The following GASK1A variants were observed in gnomAD, a reference collection of about 807,000 sequenced individuals.
The protein encoded by GASK1A is golgi associated kinase 1A, also known as Golgi-associated kinase 1A.
A neutral mutation model predicts 41.2 loss-of-function variants in GASK1A; 40 were observed. That is an observed-to-expected ratio of 0.97 (90% CI 0.75 to 1.27). GASK1A has a LOEUF of 1.27. Among genes scored for constraint, GASK1A ranks in the 50% most tolerant of loss-of-function variants. The pLI, the probability that GASK1A is intolerant of heterozygous loss-of-function variation, is 0.00. For synonymous variants in GASK1A, 316 were observed against 307.1 expected (o/e 1.03, Z -0.30); for missense variants, 678 against 745.1 (o/e 0.91, Z 1.05).
Position 43,057,072 on chromosome 3 carries a change from T to C in GASK1A, c.*686T>C, listed in dbSNP as rs764681665. 6 of 152,308 alleles carry C rather than the reference T, an allele frequency of 3.9e-5. No individual in the cohort carries two copies. The highest frequency in any genetic ancestry group is 3.4e-3 in the Middle Eastern group (1 of 294). 9.4% of individuals were successfully genotyped at this position (152,308 alleles called of 1,614,324 possible). ...CTACATGCAAATTAAAAAATGAAAGTGTGGTCATGCTTTGTCAACTCACTA... is the reference window on the plus strand; with the variant it reads ...CTACATGCAAATTAAAAAATGAAAGCGTGGTCATGCTTTGTCAACTCACTA... On this transcript the variant is annotated 3_prime_UTR_variant, in exon 5 of 5. Transcript: ENST00000430121.
intron 2 of GASK1A, among the ~76,000 whole-genome samples, chr3:43,051,341 C>T (rs543115741): frequency 2.0e-5 from 3 of 152,284 alleles, no homozygotes; most frequent in East Asian, 1.9e-4. Flanking sequence ...CATGAATTTC[C>T]GGAGCCAGTA....
intron 2 of GASK1A, among the ~76,000 whole-genome samples, chr3:43,048,004 T>C (rs2089672150): frequency 6.6e-6 from 1 of 152,036 alleles, no homozygotes; most frequent in Non-Finnish European, 1.5e-5. Flanking sequence ...GAAAGGCAAA[T>C]GAATGTGACA....
In GASK1A at chr3:43,056,366, T is replaced by C; in HGVS notation, c.1708T>C (p.Phe570Leu). The change falls in exon 5 of 5, where the codon TTC (phenylalanine) becomes CTC (leucine). Residue 570 changes from phenylalanine (F) to leucine (L), a missense_variant. Phe to Leu is a conservative substitution (Grantham distance 22). Coordinates refer to ENST00000430121, the MANE Select transcript of GASK1A (RefSeq NM_001129908.3). ...CATCCAAAAGCACAACCTCACACTC[T>C]TCAGGGACGAGGACCCATAAGCCGC... ...GHIQKHNLTL[F>L]RDEDP The C allele has an allele frequency of 3.9e-6, 6 of 1,548,758 alleles. No homozygotes were observed. The highest frequency in any genetic ancestry group is 5.2e-6 in the Non-Finnish European group (6 of 1,145,882).
chr3:43,035,667 T>C (rs541719531), intron 2 of GASK1A, among the ~76,000 whole-genome samples: 1 of 152,302 alleles, frequency 6.6e-6, no homozygotes, highest in African/African-American at 2.4e-5. Context: ...GATAATAACA[T>C]TGATCACGCA....
At chr3:43,011,371 A>G in intron 1 of GASK1A, among the ~76,000 whole-genome samples, 1 of 135,724 alleles carries the variant, frequency 7.4e-6, no homozygotes, top group Non-Finnish European at 1.6e-5. Context: ...ACAGAGTGAG[A>G]CTCCATCTCA....
At chr3:43,009,510 T>C (rs1255845020) in intron 1 of GASK1A, among the ~76,000 whole-genome samples, 1 of 152,204 alleles carries the variant, frequency 6.6e-6, no homozygotes, top group Non-Finnish European at 1.5e-5. Context: ...GGGAAGGGCT[T>C]GGTCTCTGCA....
In GASK1A at chr3:43,032,373, G is replaced by A. The variant is rs772364071; in HGVS notation, c.110G>A (p.Arg37His). Residue 37 changes from arginine to histidine, a missense_variant, in exon 2 of 5, where the codon CGT (arginine) becomes CAT (histidine). Arg to His is a conservative substitution (Grantham distance 29, BLOSUM62 0). Coordinates refer to ENST00000430121, the MANE Select transcript of GASK1A (RefSeq NM_001129908.3). ...AMAVTRFPPQRPSAGPDPGPM... is the reference protein window; with the variant it reads ...AMAVTRFPPQHPSAGPDPGPM... ...GCTGTCACCCGCTTTCCCCCACAGC[G>A]TCCATCCGCCGGCCCAGACCCTGGT... 2.5e-5 allele frequency: 39 copies of A among 1,551,450 alleles called. 1 individual carries two copies. The highest frequency in any genetic ancestry group is 1.4e-4 in the African/African-American group (10 of 73,032).
chr3:42,993,582 C>G (rs1384304320), intron 1 of GASK1A, among the ~76,000 whole-genome samples: 1 of 152,104 alleles, frequency 6.6e-6, no homozygotes, highest in East Asian at 1.9e-4. Flanking sequence ...TCAGCTTCAC[C>G]AGGTGGCCAG....
chr3:42,997,438 G>GGC (rs2089382115), intron 1 of GASK1A, among the ~76,000 whole-genome samples: 8 of 132,530 alleles, frequency 6.0e-5, no homozygotes, highest in Non-Finnish European at 1.1e-4. Context: ...GACAGAGAGA[G>GGC]GGGGGGGGGA....
chr3:43,031,828 C>T lies in GASK1A; in HGVS notation c.4-439C>T, dbSNP rs1006157711. 5.9e-5 allele frequency among the ~76,000 whole-genome samples: 9 copies of T among 152,198 alleles called. No individual in the cohort carries two copies. The East Asian group carries it at 1.7e-3, about 29-fold the overall frequency. ...ATCTCTAACTGGGTGGCCATGTGCTCTGGCAAAGGGTAAGGGCATGTGTGT... is the reference window on the plus strand; with the variant it reads ...ATCTCTAACTGGGTGGCCATGTGCTTTGGCAAAGGGTAAGGGCATGTGTGT... On this transcript the variant is annotated intron_variant, in intron 1 of 4. Coordinates refer to ENST00000430121, the MANE Select transcript of GASK1A (RefSeq NM_001129908.3).
chr3:42,987,180 T>C (rs1277660311), intron 1 of GASK1A, among the ~76,000 whole-genome samples: 1 of 152,258 alleles, frequency 6.6e-6, no homozygotes, highest in Non-Finnish European at 1.5e-5. Context: ...CACGAGAGCC[T>C]TTATTCCTGA....
intron 1 of GASK1A, among the ~76,000 whole-genome samples, chr3:42,993,553 C>T (rs747240684): frequency 2.0e-5 from 3 of 152,166 alleles, no homozygotes; most frequent in Admixed American, 6.5e-5. Flanking sequence ...CAATAAAAAA[C>T]GCATCTTGAG....
intron 1 of GASK1A, among the ~76,000 whole-genome samples, chr3:43,007,159 G>T (rs891684607): frequency 6.6e-6 from 1 of 152,212 alleles, no homozygotes; most frequent in Non-Finnish European, 1.5e-5. Flanking sequence ...TTGCTAGTGG[G>T]TGATCTCATC....
chr3:43,029,504 G>A (rs912025830), intron 1 of GASK1A, among the ~76,000 whole-genome samples: 3 of 152,098 alleles, frequency 2.0e-5, no homozygotes, highest in African/African-American at 7.2e-5. Context: ...GAATCACTGG[G>A]TATTGGGGGA....
chr3:43,017,276 A>T (rs2089496680), intron 1 of GASK1A, among the ~76,000 whole-genome samples: 1 of 151,610 alleles, frequency 6.6e-6, no homozygotes, highest in East Asian at 2.0e-4. Context: ...GGGCAATGTG[A>T]AGTCACAGGT....
At chr3:43,015,059 C>G (rs1575441937) in intron 1 of GASK1A, among the ~76,000 whole-genome samples, 1 of 150,838 alleles carries the variant, frequency 6.6e-6, no homozygotes, top group East Asian at 2.0e-4. Context: ...CAGGAAGTGG[C>G]TGTGTGAAGC....
intron 2 of GASK1A, chr3:43,037,266 G>A (rs2089609173): frequency 2.1e-6 from 2 of 957,906 alleles, no homozygotes; most frequent in African/African-American, 1.6e-5. Context: ...GATGGCCGAG[G>A]AGAAGCCAAC....
chr3:43,028,794 C>A (rs1575446058), intron 1 of GASK1A, among the ~76,000 whole-genome samples: 2 of 152,294 alleles, frequency 1.3e-5, no homozygotes, highest in East Asian at 3.9e-4. Flanking sequence ...TGCCCTGTGG[C>A]CCTGGAGGCC....
Position 43,021,230 on chromosome 3 carries a change from C to T in GASK1A, c.4-11037C>T, listed in dbSNP as rs115574809. On this transcript the variant is annotated intron_variant, in intron 1 of 4. Transcript: ENST00000430121. ...CCATTCTTGTCAGAATCTGTCTTCT[C>T]CTTTAACTCCCTGACATACTTCCCT... Among the ~76,000 whole-genome samples, 638 of 152,262 alleles carry T rather than the reference C, an allele frequency of 4.2e-3. 9 individuals carry two copies. The highest frequency in any genetic ancestry group is 0.015 in the African/African-American group (617 of 41,564).
Sources: gnomAD v4.1 joint callset for allele counts (sites outside exome capture counted in the v4.1 genomes callset) on GRCh38, gnomAD v4.1.1 for gene constraint, MANE v1.5 for transcripts, NCBI Gene and HGNC (gene_info 2026-07-23, HGNC 2026-07-21) for gene names.